Variants in FSIP1 observed in about 807,000 individuals in gnomAD.
The protein encoded by FSIP1 is fibrous sheath-interacting protein 1.
A neutral mutation model predicts 60.9 loss-of-function variants in FSIP1; 65 were observed. The observed-to-expected ratio is 1.07, with a 90% CI of 0.87 to 1.31. The LOEUF (loss-of-function observed/expected upper bound fraction) is 1.31, where lower values mean the gene tolerates loss of function less well. FSIP1 is among the 40% of genes most tolerant of loss of function. FSIP1 has a pLI of 0.00. For missense variants in FSIP1, 675 were observed against 665.5 expected (o/e 1.01, Z -0.16); for synonymous variants, 209 against 221.2 (o/e 0.94, Z 0.49).
chr15:39,622,080 C>A (rs1891460764), intron 10 of FSIP1, among the ~76,000 whole-genome samples: 1 of 152,224 alleles, frequency 6.6e-6, no homozygotes, highest in Admixed American at 6.5e-5. Context: ...TAACCCACAG[C>A]CTTTTTCCAG....
rs372710916 is a variant in FSIP1 at position 39,765,588 on chromosome 15, T to G, written c.465+4A>C. 3.2e-5 allele frequency: 51 copies of G among 1,572,180 alleles called. No individual in the cohort carries two copies. The highest frequency in any genetic ancestry group is 1.1e-5 in the Non-Finnish European group (13 of 1,164,306). ...ATGTCAGCATAAGGTTAGATAATTC[T>G]TACCTTAATTTCTTCCCACAGCTTT... On this transcript the variant is annotated splice_donor_region_variant and intron_variant, in intron 4 of 11. Transcript: ENST00000350221.
chr15:39,618,503 A>G (rs1482394337), intron 10 of FSIP1, among the ~76,000 whole-genome samples: 1 of 152,152 alleles, frequency 6.6e-6, no homozygotes, highest in African/African-American at 2.4e-5. Flanking sequence ...TACTGGGAAA[A>G]AAATTGGCAT....
At chr15:39,661,488 T>C (rs545909175) in intron 10 of FSIP1, among the ~76,000 whole-genome samples, 1 of 152,326 alleles carries the variant, frequency 6.6e-6, no homozygotes, top group South Asian at 2.1e-4. Context: ...ATAACATGAT[T>C]ACATTAAGAA....
At chr15:39,635,493 G>A (rs1432049081) in intron 10 of FSIP1, among the ~76,000 whole-genome samples, 1 of 152,134 alleles carries the variant, frequency 6.6e-6, no homozygotes, top group Non-Finnish European at 1.5e-5. Context: ...CTCTTTCAAA[G>A]GGCCGGATCT....
intron 11 of FSIP1, among the ~76,000 whole-genome samples, chr15:39,612,746 G>C (rs1891081217): frequency 6.6e-6 from 1 of 152,018 alleles, no homozygotes; most frequent in South Asian, 2.1e-4. Flanking sequence ...CCCTTAGCTA[G>C]ACTAACTAGG....
chr15:39,625,041 C>A (rs989676943), intron 10 of FSIP1, among the ~76,000 whole-genome samples: 4 of 152,138 alleles, frequency 2.6e-5, no homozygotes, highest in African/African-American at 9.6e-5. Flanking sequence ...GTGGGAAGCC[C>A]TTTTTATGTG....
intron 10 of FSIP1, among the ~76,000 whole-genome samples, chr15:39,690,002 G>A (rs1894533126): frequency 6.6e-6 from 1 of 152,162 alleles, no homozygotes; most frequent in African/African-American, 2.4e-5. Flanking sequence ...ATATGGAGTG[G>A]AGTTTTTCTA....
At chr15:39,617,060 T>A (rs1891256879) in intron 11 of FSIP1, among the ~76,000 whole-genome samples, 1 of 152,146 alleles carries the variant, frequency 6.6e-6, no homozygotes, top group Non-Finnish European at 1.5e-5. Flanking sequence ...GATTATAGAT[T>A]TAATAAGGAA....
At chr15:39,752,386 G>A (rs1267019852) in intron 5 of FSIP1, among the ~76,000 whole-genome samples, 1 of 151,942 alleles carries the variant, frequency 6.6e-6, no homozygotes, top group Non-Finnish European at 1.5e-5. Context: ...GTAGAGTGTG[G>A]CAAAGGATGG....
At chr15:39,644,853 T>G (rs1892528366) in intron 10 of FSIP1, among the ~76,000 whole-genome samples, 1 of 152,218 alleles carries the variant, frequency 6.6e-6, no homozygotes, top group Non-Finnish European at 1.5e-5. Context: ...ATGATTTAAT[T>G]CAAGTTTTCA....
In FSIP1 at chr15:39,655,973, T is replaced by C. The variant is rs1893055452; in HGVS notation, c.1189-37728A>G. Among the ~76,000 whole-genome samples, 3 of 152,054 alleles carry C rather than the reference T, an allele frequency of 2.0e-5. No individual in the cohort carries two copies. In the South Asian group the frequency reaches 6.2e-4, roughly 32 times the overall value. ...TGTTCAGGAAGAATTCAATATAGAA[T>C]CACATAACTAGAATGGCAACTATTG... On this transcript the variant is annotated intron_variant, in intron 10 of 11. Transcript: ENST00000350221.
chr15:39,713,942 G>GA (rs1566897541), intron 9 of FSIP1, among the ~76,000 whole-genome samples: 1 of 152,114 alleles, frequency 6.6e-6, no homozygotes, highest in African/African-American at 2.4e-5. Context: ...AAATAAGAAG[G>GA]AAAAAACCCT....
chr15:39,761,919 G>A (rs1049697476), intron 5 of FSIP1, among the ~76,000 whole-genome samples: 3 of 152,150 alleles, frequency 2.0e-5, no homozygotes, highest in Non-Finnish European at 4.4e-5. Flanking sequence ...GCTTCTGTGG[G>A]CCAGGAATTT....
chr15:39,638,950 A>C (rs1892248456), intron 10 of FSIP1, among the ~76,000 whole-genome samples: 1 of 152,178 alleles, frequency 6.6e-6, no homozygotes, highest in African/African-American at 2.4e-5. Flanking sequence ...ATAAAAGCTA[A>C]TACTTATTTA....
intron 9 of FSIP1, among the ~76,000 whole-genome samples, chr15:39,725,843 G>A (rs760172218): frequency 6.6e-6 from 1 of 151,024 alleles, no homozygotes; most frequent in African/African-American, 2.4e-5. Context: ...GGAGTGCAGC[G>A]GCACTATATC....
intron 6 of FSIP1, among the ~76,000 whole-genome samples, chr15:39,740,074 T>C (rs996366370): frequency 6.6e-6 from 1 of 152,210 alleles, no homozygotes; most frequent in Non-Finnish European, 1.5e-5. Context: ...GAAATATCAA[T>C]AGAACTTCAA....
intron 10 of FSIP1, among the ~76,000 whole-genome samples, chr15:39,698,910 T>G (rs971870447): frequency 6.6e-6 from 1 of 152,206 alleles, no homozygotes; most frequent in Admixed American, 6.5e-5. Flanking sequence ...ATAACCAAGG[T>G]TGGTTTATTT....
intron 9 of FSIP1, 117 bp downstream of exon 9, chr15:39,726,472 A>G: frequency 9.9e-7 from 1 of 1,005,870 alleles, no homozygotes; most frequent in African/African-American, 1.6e-5. Context: ...AGGAATATAC[A>G]CACTGTTATG....
chr15:39,770,582 C>A lies in FSIP1; in HGVS notation c.155G>T (p.Gly52Val), dbSNP rs369173704. 2 of 1,559,974 alleles carry A rather than the reference C, an allele frequency of 1.3e-6. No homozygotes were observed. The highest frequency in any genetic ancestry group is 2.3e-5 in the East Asian group (1 of 42,924). ...KVDTASNLNS[G>V]KEDHSESSNT... ...ACTGCTTTCGGAGTGGTCCTCTTTA[C>A]CAGAGTTCAAGTTGCTTGCAGTATC... Residue 52 changes from glycine (G) to valine (V), a missense_variant, in exon 3 of 12, where the codon GGT (glycine) becomes GTT (valine). Physicochemically the swap from Gly to Val is moderately radical, Grantham distance 109. Coordinates refer to ENST00000350221, the MANE Select transcript of FSIP1 (RefSeq NM_152597.5).
Sources: gnomAD v4.1 joint callset for allele counts (sites outside exome capture counted in the v4.1 genomes callset) on GRCh38, gnomAD v4.1.1 for gene constraint, MANE v1.5 for transcripts, NCBI Gene and HGNC (gene_info 2026-07-23, HGNC 2026-07-21) for gene names.